Variants in CCDC15 observed in about 807,000 individuals in gnomAD.
CCDC15 encodes coiled-coil domain-containing protein 15.
Under a neutral mutation model 114.5 loss-of-function variants are expected in CCDC15, and 105 were observed. That is an observed-to-expected ratio of 0.92 (90% CI 0.78 to 1.08). CCDC15 has a LOEUF of 1.08. Among genes scored for constraint, CCDC15 ranks in the 50% least tolerant of loss-of-function variants. The probability of loss-of-function intolerance (pLI) is 0.00; values close to 1 mark genes in which losing one functional copy is unlikely to be tolerated. For missense variants in CCDC15, 1,105 were observed against 1,093.6 expected, an observed-to-expected ratio of 1.01 and a Z score of -0.15; for synonymous variants, 334 against 377.8, an observed-to-expected ratio of 0.88 and a Z score of 1.34.
At chr11:125,021,970 A>G (rs1027808052) in intron 13 of CCDC15, among the ~76,000 whole-genome samples, 5 of 151,920 alleles carry the variant, frequency 3.3e-5, no homozygotes, top group Non-Finnish European at 5.9e-5. Context: ...CAAGGTTGGG[A>G]GTTACCGAAC....
At position 124,954,816 on chromosome 11, in the gene CCDC15, G is replaced by T. The variant is rs746187262; in HGVS notation, c.84G>T (p.Val28=). Residue 28 remains valine (V), a synonymous_variant, in exon 2 of 16, where the codon GTG becomes GTT. Coordinates refer to ENST00000344762, the MANE Select transcript of CCDC15 (RefSeq NM_025004.3). ...TAAACCCCCTGAAGAGCAAGGACGTGTTGGCAGTGCTGGCTGAGAGGAACG... is the reference window on the plus strand; with the variant it reads ...TAAACCCCCTGAAGAGCAAGGACGTTTTGGCAGTGCTGGCTGAGAGGAACG... ...LALNPLKSKD[V]LAVLAERNEA... 11 of 1,614,064 alleles carry T rather than the reference G, an allele frequency of 6.8e-6. No individual in the cohort carries two copies. The highest frequency in any genetic ancestry group is 1.7e-5 in the Admixed American group (1 of 60,036).
At chr11:125,009,225 C>G (rs543016959) in intron 13 of CCDC15, among the ~76,000 whole-genome samples, 49 of 5,808 alleles carry the variant, frequency 8.4e-3, no homozygotes, top group African/African-American at 0.019. Context: ...GAAACTCCGT[C>G]TCAAAAAAAA....
intron 4 of CCDC15, among the ~76,000 whole-genome samples, chr11:124,960,642 T>C (rs1485518243): frequency 6.6e-6 from 1 of 152,224 alleles, no homozygotes; most frequent in East Asian, 1.9e-4. Flanking sequence ...AGTAAATTCG[T>C]AACATATCCA....
intron 6 of CCDC15, among the ~76,000 whole-genome samples, chr11:124,985,457 G>T (rs1948141756): frequency 6.6e-6 from 1 of 152,228 alleles, no homozygotes; most frequent in African/African-American, 2.4e-5. Context: ...ATATGTGAGG[G>T]TTCCAATTTC....
chr11:124,966,392 G>A (rs1230270231), intron 4 of CCDC15, among the ~76,000 whole-genome samples: 1 of 151,966 alleles, frequency 6.6e-6, no homozygotes. Flanking sequence ...TTACCGTTAT[G>A]TAATGGCCTT....
intron 11 of CCDC15, among the ~76,000 whole-genome samples, chr11:125,000,594 CAG>C (rs2135509627): frequency 6.6e-6 from 1 of 152,222 alleles, no homozygotes; most frequent in South Asian, 2.1e-4. Context: ...TTATTGAAAA[CAG>C]AAAGTAATTT....
At chr11:125,021,182 A>G (rs981840756) in intron 13 of CCDC15, among the ~76,000 whole-genome samples, 9 of 151,798 alleles carry the variant, frequency 5.9e-5, no homozygotes, top group Non-Finnish European at 1.2e-4. Context: ...CAAAGAAGAC[A>G]GAGAAGGATG....
Position 124,961,560 on chromosome 11 carries a change from C to T in CCDC15, c.516+1557C>T, listed in dbSNP as rs138568370. Among the ~76,000 whole-genome samples, 141 of 152,234 alleles carry T rather than the reference C, an allele frequency of 9.3e-4. 1 individual carries two copies. The highest frequency in any genetic ancestry group is 2.5e-3 in the African/African-American group (102 of 41,536). ...TTAGAGACGGAGTCTCACTCTGTTG[C>T]CCATGCTGTAGTGCAGTGGTGCAGT... On this transcript the variant is annotated intron_variant, in intron 4 of 15. Coordinates refer to ENST00000344762, the MANE Select transcript of CCDC15 (RefSeq NM_025004.3).
At chr11:124,978,744 G>T (rs1948018179) in intron 6 of CCDC15, among the ~76,000 whole-genome samples, 1 of 151,714 alleles carries the variant, frequency 6.6e-6, no homozygotes, top group African/African-American at 2.4e-5. Context: ...CCATTCTGTA[G>T]GTTGTGTGTT....
intron 9 of CCDC15, among the ~76,000 whole-genome samples, chr11:124,992,158 AG>A (rs1948281644): frequency 6.6e-6 from 1 of 152,224 alleles, no homozygotes; most frequent in South Asian, 2.1e-4. Context: ...GTGGTACAAA[AG>A]ACCCTGGTCT....
intron 5 of CCDC15, among the ~76,000 whole-genome samples, chr11:124,976,401 T>C (rs996666431): frequency 6.6e-6 from 1 of 152,106 alleles, no homozygotes; most frequent in African/African-American, 2.4e-5. Flanking sequence ...GGCGTGGATA[T>C]GTGTCCATGT....
Position 125,010,589 on chromosome 11 carries a change from G to C in CCDC15, c.2411+5377G>C, listed in dbSNP as rs147278355. Reference sequence around the variant, plus strand: ...TGGGCCAGGCTGGTCTCGAACTCCTGACCTCAGGTGATCCACTTGCCTTGG... The same window carrying C: ...TGGGCCAGGCTGGTCTCGAACTCCTCACCTCAGGTGATCCACTTGCCTTGG... On this transcript the variant is annotated intron_variant, in intron 13 of 15. Coordinates refer to ENST00000344762, the MANE Select transcript of CCDC15 (RefSeq NM_025004.3). Among the ~76,000 whole-genome samples the C allele has an allele frequency of 3.3e-3, 495 of 152,218 alleles. 6 individuals are homozygous for C. The East Asian group carries it at 0.045, about 14-fold the overall frequency.
chr11:124,984,454 A>G (rs1232050111), intron 6 of CCDC15, among the ~76,000 whole-genome samples: 2 of 152,144 alleles, frequency 1.3e-5, no homozygotes, highest in Non-Finnish European at 2.9e-5. Context: ...CACGGGCAAG[A>G]TCGCCCTGCA....
At chr11:124,959,323 A>G in intron 3 of CCDC15, 59 bp downstream of exon 3, 1 of 1,391,670 alleles carries the variant, frequency 7.2e-7, no homozygotes, top group Non-Finnish European at 9.7e-7. Context: ...GTTATGAGAT[A>G]AGCTATTAGG....
At chr11:124,990,423 G>A (rs1476965876) in intron 8 of CCDC15, among the ~76,000 whole-genome samples, 1 of 152,158 alleles carries the variant, frequency 6.6e-6, no homozygotes, top group Non-Finnish European at 1.5e-5. Flanking sequence ...GACATTACAC[G>A]AGCACATGCT....
chr11:124,986,700 T>TGTGTGTGTGTGTGA, intron 6 of CCDC15, 42 bp from the exon 7 acceptor site: 21 of 1,351,512 alleles, frequency 1.6e-5, no homozygotes, highest in Non-Finnish European at 1.7e-5. Context: ...TTTGTGTGTG[T>TGTGTGTGTGTGTGA]GCGCGCGCGC....
chr11:125,035,636 G>A (rs1349799331), intron 13 of CCDC15, among the ~76,000 whole-genome samples: 1 of 151,868 alleles, frequency 6.6e-6, no homozygotes, highest in Admixed American at 6.6e-5. Flanking sequence ...TTTTCTGGTT[G>A]TTTCATGGTC....
intron 11 of CCDC15, among the ~76,000 whole-genome samples, chr11:125,000,048 A>C (rs544143648): frequency 1.3e-5 from 2 of 151,524 alleles, no homozygotes; most frequent in East Asian, 3.9e-4. Context: ...TTTTTAGTGG[A>C]AACGGGGTTT....
rs372783869 is a variant in CCDC15, at chr11:124,987,928, G to A, written c.1702G>A (p.Gly568Ser). ...QDQDFLPRDQ[G>S]VLPKDQNILP... ...CCAGGATTTTCTACCCAGAGACCAA[G>A]GTGTTCTTCCCAAAGACCAAAATAT... The change falls in exon 8 of 16, where the codon GGT (glycine) becomes AGT (serine). Residue 568 changes from glycine to serine, a missense_variant. By Grantham distance (56) the Gly-to-Ser change is moderately conservative. Transcript: ENST00000344762. 3 of 1,613,576 alleles carry A rather than the reference G, an allele frequency of 1.9e-6. No homozygotes were observed. Among genetic ancestry groups the A allele is most frequent in the Non-Finnish European group, 2.5e-6 (3 of 1,179,842 alleles).
Sources: gnomAD v4.1 joint callset for allele counts (sites outside exome capture counted in the v4.1 genomes callset) on GRCh38, gnomAD v4.1.1 for gene constraint, MANE v1.5 for transcripts, NCBI Gene and HGNC (gene_info 2026-07-23, HGNC 2026-07-21) for gene names.